FBXW7: variants seen among roughly 807,000 people sequenced by gnomAD.
FBXW7 encodes F-box/WD repeat-containing protein 7.
In FBXW7, 11 loss-of-function variants were observed where a neutral mutation model predicts 86.3. The observed-to-expected ratio is 0.13, with a 90% CI of 0.08 to 0.21. The LOEUF is 0.21. FBXW7 is among the 10% of genes least tolerant of loss of function. The pLI is 1.00. For synonymous variants in FBXW7, 313 were observed against 297.9 expected (o/e 1.05, Z -0.52); for missense variants, 488 against 847.4 (o/e 0.58, Z 5.27).
Position 152,407,852 on chromosome 4 carries a change from A to T in FBXW7, c.501+3451T>A, listed in dbSNP as rs144733427. 2.1e-4 allele frequency among the ~76,000 whole-genome samples: 32 copies of T among 152,244 alleles called. 1 individual carries two copies. In the East Asian group the frequency reaches 6.2e-3, roughly 29 times the overall value. On this transcript the variant is annotated intron_variant, in intron 4 of 13. Coordinates refer to ENST00000281708, the MANE Select transcript of FBXW7 (RefSeq NM_001349798.2). ...CCAAAGTAGCTGGAACCACAGGCGC[A>T]TGCCATCACACTCAGCTAATTTTTG...
At chr4:152,339,045 AT>A (rs1730449918) in intron 6 of FBXW7, among the ~76,000 whole-genome samples, 1 of 152,196 alleles carries the variant, frequency 6.6e-6, no homozygotes, top group Non-Finnish European at 1.5e-5. Flanking sequence ...TTTTTAAAGT[AT>A]TTACCCATGT....
intron 2 of FBXW7, among the ~76,000 whole-genome samples, chr4:152,444,219 T>C (rs1338390016): frequency 6.6e-6 from 1 of 152,092 alleles, no homozygotes; most frequent in African/African-American, 2.4e-5. Context: ...ACCATAATTT[T>C]ATATTCTTCG....
chr4:152,384,966 A>G (rs185881680), intron 4 of FBXW7, among the ~76,000 whole-genome samples: 27 of 152,214 alleles, frequency 1.8e-4, no homozygotes, highest in Non-Finnish European at 3.2e-4. Flanking sequence ...ATTTTCCAAC[A>G]TAAGACTAAT....
chr4:152,353,379 C>T (rs753749262), intron 4 of FBXW7, among the ~76,000 whole-genome samples: 51 of 152,104 alleles, frequency 3.4e-4, no homozygotes, highest in Non-Finnish European at 5.7e-4. Flanking sequence ...TTTCAAACTG[C>T]GTATTTTGGT....
intron 2 of FBXW7, among the ~76,000 whole-genome samples, chr4:152,468,186 T>C (rs969873290): frequency 2.6e-5 from 4 of 152,118 alleles, no homozygotes; most frequent in Admixed American, 1.3e-4. Flanking sequence ...TCCTCATACA[T>C]TGTTGGTGGT....
At chr4:152,494,762 C>T (rs1746169016) in intron 2 of FBXW7, among the ~76,000 whole-genome samples, 1 of 152,154 alleles carries the variant, frequency 6.6e-6, no homozygotes, top group Non-Finnish European at 1.5e-5. Context: ...TAAGTAAAAT[C>T]TACCAGAAAG....
intron 2 of FBXW7, among the ~76,000 whole-genome samples, chr4:152,522,731 C>T (rs894390031): frequency 6.6e-6 from 1 of 152,224 alleles, no homozygotes; most frequent in Non-Finnish European, 1.5e-5. Flanking sequence ...ATACTAAGCA[C>T]TGTTTCGAGC....
Position 152,461,788 on chromosome 4 carries a change from A to G in FBXW7, c.-119-49259T>C, listed in dbSNP as rs900469796. ...AAGGACCATTTGGTTTTCATGTTGTATGATTCTAATGGGCTCGTATGGACT... is the reference window on the plus strand; with the variant it reads ...AAGGACCATTTGGTTTTCATGTTGTGTGATTCTAATGGGCTCGTATGGACT... On this transcript the variant is annotated intron_variant, in intron 2 of 13. Coordinates refer to ENST00000281708, the MANE Select transcript of FBXW7 (RefSeq NM_001349798.2). Among the ~76,000 whole-genome samples, 3 of 152,218 alleles carry G rather than the reference A, an allele frequency of 2.0e-5. No individual in the cohort carries two copies. The East Asian group carries it at 5.8e-4, about 29-fold the overall frequency.
At chr4:152,520,109 C>G (rs1204718570) in intron 2 of FBXW7, among the ~76,000 whole-genome samples, 1 of 152,166 alleles carries the variant, frequency 6.6e-6, no homozygotes, top group Non-Finnish European at 1.5e-5. Flanking sequence ...CCTTCCTTGC[C>G]AATTCTTTAA....
At chr4:152,436,458 A>G (rs1157004642) in intron 2 of FBXW7, among the ~76,000 whole-genome samples, 1 of 152,262 alleles carries the variant, frequency 6.6e-6, no homozygotes, top group South Asian at 2.1e-4. Context: ...TACAAGGTAA[A>G]GCAGCAAATG....
intron 2 of FBXW7, among the ~76,000 whole-genome samples, chr4:152,414,170 T>C (rs1738228684): frequency 6.6e-6 from 1 of 152,166 alleles, no homozygotes; most frequent in African/African-American, 2.4e-5. Flanking sequence ...AACAGCATTA[T>C]AACTAATGCC....
intron 2 of FBXW7, among the ~76,000 whole-genome samples, chr4:152,519,315 T>G (rs34234777): frequency 0.37 from 54,342 of 148,570 alleles, 10,408 homozygotes; most frequent in African/African-American, 0.49. Context: ...AATAAATAAA[T>G]AAATAAAGAA....
At chr4:152,509,592 TGAAG>T (rs1313978264) in intron 2 of FBXW7, among the ~76,000 whole-genome samples, 1 of 152,186 alleles carries the variant, frequency 6.6e-6, no homozygotes, top group Non-Finnish European at 1.5e-5. Context: ...TAAAAAAAAA[TGAAG>T]GAATAAAGAT....
chr4:152,484,230 A>C (rs1436072717), intron 2 of FBXW7, among the ~76,000 whole-genome samples: 1 of 152,160 alleles, frequency 6.6e-6, no homozygotes, highest in African/African-American at 2.4e-5. Context: ...TCCATTCTAC[A>C]TAAATTTCTA....
At chr4:152,435,407 G>A (rs909912157) in intron 2 of FBXW7, among the ~76,000 whole-genome samples, 1 of 152,102 alleles carries the variant, frequency 6.6e-6, no homozygotes, top group African/African-American at 2.4e-5. Context: ...GGAATATGAC[G>A]GAAGTGATAC....
intron 2 of FBXW7, among the ~76,000 whole-genome samples, chr4:152,496,452 G>A (rs66479472): frequency 0.37 from 55,460 of 151,826 alleles, 10,740 homozygotes; most frequent in African/African-American, 0.5. Flanking sequence ...AGCACTTCGA[G>A]AAGCTGAGGT....
chr4:152,417,901 A>G (rs994431828), intron 2 of FBXW7, among the ~76,000 whole-genome samples: 3 of 152,042 alleles, frequency 2.0e-5, no homozygotes, highest in Non-Finnish European at 4.4e-5. Flanking sequence ...GATTGCTCCA[A>G]AGGACAATAG....
intron 2 of FBXW7, among the ~76,000 whole-genome samples, chr4:152,456,560 T>C (rs1560920574): frequency 6.6e-6 from 1 of 151,602 alleles, no homozygotes; most frequent in Non-Finnish European, 1.5e-5. Flanking sequence ...AATAAATCAA[T>C]AAGCAAAGAT....
intron 2 of FBXW7, among the ~76,000 whole-genome samples, chr4:152,449,959 A>G (rs182669453): frequency 3.9e-5 from 6 of 152,324 alleles, no homozygotes; most frequent in Middle Eastern, 3.4e-3. Flanking sequence ...TTTGGGGAAG[A>G]TAGTCTAAAA....
Sources: allele counts gnomAD v4.1 joint callset (sites outside exome capture counted in the v4.1 genomes callset), GRCh38; gene constraint gnomAD v4.1.1; transcripts MANE v1.5; gene names NCBI Gene and HGNC (gene_info 2026-07-23, HGNC 2026-07-21).